The following TRIM56 variants were observed in gnomAD, a reference collection of about 807,000 sequenced individuals.
The protein encoded by TRIM56 is tripartite motif containing 56, also known as E3 ubiquitin-protein ligase TRIM56.
TRIM56 carries 10 observed loss-of-function variants against 17.1 expected under a neutral mutation model. That is an observed-to-expected ratio of 0.58 (90% CI 0.36 to 0.99). TRIM56 has a LOEUF of 0.99. Ranked by LOEUF, TRIM56 falls within the 50% of genes least tolerant of loss-of-function variation. The pLI, the probability that TRIM56 is intolerant of heterozygous loss-of-function variation, is 0.01. For synonymous variants in TRIM56, 503 were observed against 473.5 expected (o/e 1.06, Z -0.81); for missense variants, 923 against 1,052.3 (o/e 0.88, Z 1.70).
intron 1 of TRIM56, 64 bp from the exon 2 acceptor site, chr7:101,086,942 C>T: frequency 4.4e-6 from 1 of 228,030 alleles, no homozygotes; most frequent in Non-Finnish European, 8.7e-6. Flanking sequence ...GCCACAAGGC[C>T]TGTGGACTGG....
chr7:101,091,846 T>C lies in TRIM56; in HGVS notation c.*2266T>C. Reference sequence around the variant, plus strand: ...TCTCCCTCTGATGCCGAGCCGAAGCTGGACTGTACTGCTGCCATCTCGGCT... The same window carrying C: ...TCTCCCTCTGATGCCGAGCCGAAGCCGGACTGTACTGCTGCCATCTCGGCT... On this transcript the variant is annotated 3_prime_UTR_variant, in exon 3 of 3. Transcript: ENST00000306085. The C allele has an allele frequency of 2.6e-6, 1 of 386,670 alleles. No homozygotes were observed. The highest frequency in any genetic ancestry group is 5.0e-6 in the Non-Finnish European group (1 of 199,288). 24.0% of individuals were successfully genotyped at this position (386,670 alleles called of 1,614,324 possible).
At position 101,092,097 on chromosome 7, in the gene TRIM56, T is replaced by G. The variant is rs901252350; in HGVS notation, c.*2517T>G. 2 of 289,930 alleles carry G rather than the reference T, an allele frequency of 6.9e-6. No individual in the cohort carries two copies. Among genetic ancestry groups the G allele is most frequent in the Non-Finnish European group, 1.3e-5 (2 of 150,782 alleles). The allele number at this position is 289,930 out of a possible 1,614,324, so 18.0% of individuals were successfully genotyped here. On this transcript the variant is annotated 3_prime_UTR_variant, in exon 3 of 3. Coordinates refer to ENST00000306085, the MANE Select transcript of TRIM56 (RefSeq NM_030961.3). ...AGTCTCGTTCACTCGGTGCTCAATG[T>G]TGCCCAGGCTGGAGTGCAGTGTCGT...
rs1795630775 is a variant in TRIM56 at position 101,094,673 on chromosome 7, G to A, written c.*5093G>A. 1 of 152,132 alleles carries A rather than the reference G, an allele frequency of 6.6e-6. No homozygotes were observed. The highest frequency in any genetic ancestry group is 1.5e-5 in the Non-Finnish European group (1 of 68,058). The allele number at this position is 152,132 out of a possible 1,614,324, so 9.4% of individuals were successfully genotyped here. A position where few individuals can be genotyped will look rare whatever the true frequency, so the allele number is the denominator to read the frequency against. On this transcript the variant is annotated 3_prime_UTR_variant, in exon 3 of 3. Coordinates refer to ENST00000306085, the MANE Select transcript of TRIM56 (RefSeq NM_030961.3). Reference sequence around the variant, plus strand: ...CGCTCTGGGAAGGTTTGCAAAGGTCGGGGTCCCCCCTGCCAGGTGATCGAA... The same window carrying A: ...CGCTCTGGGAAGGTTTGCAAAGGTCAGGGTCCCCCCTGCCAGGTGATCGAA...
rs1363956162 is a variant in TRIM56 at position 101,088,276 on chromosome 7, C to T, written c.964C>T (p.Leu322Phe). ...CAGCCTGGGGCGAGAGGCCGAGATC[C>T]TCTCCCTGGAAGGGGCGATCGCACA... ...VLSLGREAEI[L>F]SLEGAIAQRL... The change falls in exon 3 of 3, where the codon CTC (leucine) becomes TTC (phenylalanine). Residue 322 changes from leucine to phenylalanine, a missense_variant. Around this residue, in one of 3 missense-constraint regions of TRIM56, gnomAD observed 643 missense variants for 665.6 expected, o/e 0.97. Coordinates refer to ENST00000306085, the MANE Select transcript of TRIM56 (RefSeq NM_030961.3). 7 of 1,515,844 alleles carry T rather than the reference C, an allele frequency of 4.6e-6. No homozygotes were observed. Among genetic ancestry groups the T allele is most frequent in the Non-Finnish European group, 6.2e-6 (7 of 1,137,840 alleles). 93.9% of individuals were successfully genotyped at this position (1,515,844 alleles called of 1,614,324 possible). A position where few individuals can be genotyped will look rare whatever the true frequency, so the allele number is the denominator to read the frequency against.
In TRIM56 at chr7:101,087,354, G is replaced by C. The variant is rs1231574280; in HGVS notation, c.42G>C (p.Leu14=). 1.2e-6 allele frequency: 2 copies of C among 1,612,880 alleles called. No homozygotes were observed. Among genetic ancestry groups the C allele is most frequent in the Non-Finnish European group, 1.7e-6 (2 of 1,180,006 alleles). ...HGSSPSLLEA[L]SSDFLACKIC... ...CCTCGCCCTCCCTCCTGGAGGCCCTGAGCAGCGACTTCCTGGCCTGTAAAA... is the reference window on the plus strand; with the variant it reads ...CCTCGCCCTCCCTCCTGGAGGCCCTCAGCAGCGACTTCCTGGCCTGTAAAA... The change falls in exon 3 of 3, where the codon CTG becomes CTC. Residue 14 remains leucine (L), a synonymous_variant. Transcript: ENST00000306085.
At position 101,097,755 on chromosome 7, in the gene TRIM56, G is replaced by C. The variant is rs1402684298; in HGVS notation, c.*8175G>C. On this transcript the variant is annotated 3_prime_UTR_variant, in exon 3 of 3. Coordinates refer to ENST00000306085, the MANE Select transcript of TRIM56 (RefSeq NM_030961.3). ...TCAAAGACGAGGAATCAGGACGTCGGTGCCTAGTGACTGAGCGCCAGCCCA... is the reference window on the plus strand; with the variant it reads ...TCAAAGACGAGGAATCAGGACGTCGCTGCCTAGTGACTGAGCGCCAGCCCA... The C allele has an allele frequency of 6.6e-6, 1 of 152,222 alleles. No homozygotes were observed. The highest frequency in any genetic ancestry group is 1.9e-4 in the East Asian group (1 of 5,192). 9.4% of individuals were successfully genotyped at this position (152,222 alleles called of 1,614,324 possible).
intron 1 of TRIM56, among the ~76,000 whole-genome samples, chr7:101,086,534 C>T (rs1015560865): frequency 7.5e-6 from 1 of 133,582 alleles, no homozygotes; most frequent in Admixed American, 8.3e-5. Context: ...GCACTCCAGC[C>T]TGGGCAACAG....
Position 101,087,956 on chromosome 7 carries a change from G to A in TRIM56, c.644G>A (p.Gly215Asp), listed in dbSNP as rs749417844. The change falls in exon 3 of 3, where the codon GGC becomes GAC. Residue 215 changes from glycine (G) to aspartate (D), a missense_variant. Coordinates refer to ENST00000306085, the MANE Select transcript of TRIM56 (RefSeq NM_030961.3). The stretch of plus-strand genomic sequence containing the variant: ...GAAGCTGTGCGTGCCCGGAGGCCGG[G>A]CCTGGAGGGACTGCTGGCCGGTGTG... ...LAEAVRARRPGLEGLLAGVDN... is the reference protein window; with the variant it reads ...LAEAVRARRPDLEGLLAGVDN... The A allele has an allele frequency of 1.9e-6, 3 of 1,597,956 alleles. No individual in the cohort carries two copies. The highest frequency in any genetic ancestry group is 4.5e-5 in the East Asian group (2 of 44,690).
Position 101,087,953 on chromosome 7 carries a change from C to T in TRIM56, c.641C>T (p.Pro214Leu), listed in dbSNP as rs756632878. 12 of 1,597,808 alleles carry T rather than the reference C, an allele frequency of 7.5e-6. 1 individual carries two copies. The highest frequency in any genetic ancestry group is 4.4e-5 in the South Asian group (4 of 89,940). Residue 214 changes from proline to leucine, a missense_variant, in exon 3 of 3, where the codon CCG becomes CTG. Pro to Leu is a moderately conservative substitution (Grantham distance 98, BLOSUM62 -3). Transcript: ENST00000306085. ...PLAEAVRARR[P>L]GLEGLLAGVD... Reference sequence around the variant, plus strand: ...GCTGAAGCTGTGCGTGCCCGGAGGCCGGGCCTGGAGGGACTGCTGGCCGGT... The same window carrying T: ...GCTGAAGCTGTGCGTGCCCGGAGGCTGGGCCTGGAGGGACTGCTGGCCGGT...
intron 2 of TRIM56, 44 bp downstream of exon 2, chr7:101,087,212 G>T (rs905871370): frequency 3.1e-5 from 36 of 1,152,530 alleles, no homozygotes; most frequent in Non-Finnish European, 4.4e-5. Context: ...TCAGCCCCTA[G>T]CCCTGGGGAT....
rs921798420 is a variant in TRIM56 at position 101,092,204 on chromosome 7, C to G, written c.*2624C>G. The G allele has an allele frequency of 4.8e-6, 1 of 208,178 alleles. No homozygotes were observed. The highest frequency in any genetic ancestry group is 5.7e-5 in the Admixed American group (1 of 17,682). The allele number at this position is 208,178 out of a possible 1,614,324, so 12.9% of individuals were successfully genotyped here. On this transcript the variant is annotated 3_prime_UTR_variant, in exon 3 of 3. Coordinates refer to ENST00000306085, the MANE Select transcript of TRIM56 (RefSeq NM_030961.3). ...GCCGAGATTACAGCCTCTGCCCGGC[C>G]GCCACCCCCTCTGGGAAGTGCGGAG...
rs1795625999 is a variant in TRIM56 at position 101,094,392 on chromosome 7, G to A, written c.*4812G>A. On this transcript the variant is annotated 3_prime_UTR_variant, in exon 3 of 3. Coordinates refer to ENST00000306085, the MANE Select transcript of TRIM56 (RefSeq NM_030961.3). ...TTTTTTGTTTGTTTTTCATTATTTT[G>A]TGCTATTATTCATACGTGTACATTT... 6.6e-6 allele frequency: 1 copy of A among 152,038 alleles called. No individual in the cohort carries two copies. Among genetic ancestry groups the A allele is most frequent in the African/African-American group, 2.4e-5 (1 of 41,380 alleles). 9.4% of individuals were successfully genotyped at this position (152,038 alleles called of 1,614,324 possible).
chr7:101,089,018 G>A lies in TRIM56; in HGVS notation c.1706G>A (p.Arg569Gln), dbSNP rs772550515. Residue 569 changes from arginine (R) to glutamine (Q), a missense_variant, in exon 3 of 3, where the codon CGG becomes CAG. Transcript: ENST00000306085. ...QSAVAFSASARLYLINPNGEV... is the reference protein window; with the variant it reads ...QSAVAFSASAQLYLINPNGEV... ...GCGGTGGCCTTCTCCGCTAGCGCAC[G>A]GCTCTATCTCATCAACCCCAACGGC... is the stretch of plus-strand genomic sequence containing the variant. 17 of 1,605,690 alleles carry A rather than the reference G, an allele frequency of 1.1e-5. No individual in the cohort carries two copies. The highest frequency in any genetic ancestry group is 2.2e-5 in the East Asian group (1 of 44,880).
rs529726287 is a variant in TRIM56, at chr7:101,087,899, C to G, written c.587C>G (p.Pro196Arg). 17 of 1,604,124 alleles carry G rather than the reference C, an allele frequency of 1.1e-5. No individual in the cohort carries two copies. The African/African-American group carries it at 2.0e-4, about 19-fold the overall frequency. Residue 196 changes from proline (P) to arginine (R), a missense_variant, in exon 3 of 3, where the codon CCC (proline) becomes CGC (arginine). Coordinates refer to ENST00000306085, the MANE Select transcript of TRIM56 (RefSeq NM_030961.3). ...CTGTGCAGAGAGTGCCGCCTAGACC[C>G]CCACCTGGACCACCCCTGCCTGCCT... is the stretch of plus-strand genomic sequence containing the variant. ...QLLCRECRLD[P>R]HLDHPCLPLA... is the part of the protein sequence containing the mutation.
rs561856827 is a variant in TRIM56, at chr7:101,088,343, C to T, written c.1031C>T (p.Pro344Leu). 166 of 1,537,930 alleles carry T rather than the reference C, an allele frequency of 1.1e-4. No homozygotes were observed. Among genetic ancestry groups the T allele is most frequent in the Admixed American group, 2.5e-4 (12 of 48,548 alleles). Residue 344 changes from proline (P) to leucine (L), a missense_variant, in exon 3 of 3, where the codon CCG becomes CTG. Physicochemically the swap from Pro to Leu is moderately conservative, Grantham distance 98 (BLOSUM62 -3). Coordinates refer to ENST00000306085, the MANE Select transcript of TRIM56 (RefSeq NM_030961.3). ...CAGGGCTGCCCCTGGGCACCAGGCC[C>T]GGCCCCCTGCCTGCTCCCACAGCTG... ...QLQGCPWAPG[P>L]APCLLPQLEL...
rs1795532164 is a variant in TRIM56 at position 101,089,774 on chromosome 7, C to T, written c.*194C>T. On this transcript the variant is annotated 3_prime_UTR_variant, in exon 3 of 3. Coordinates refer to ENST00000306085, the MANE Select transcript of TRIM56 (RefSeq NM_030961.3). ...GACCAAGGTGGTGGCGTGACCTTAA[C>T]TCTCAGAAGCAGAGGAGGCAGGTGG... The T allele has an allele frequency of 1.8e-6, 1 of 547,070 alleles. No homozygotes were observed. The highest frequency in any genetic ancestry group is 3.3e-6 in the Non-Finnish European group (1 of 305,622). The allele number at this position is 547,070 out of a possible 1,614,324, so 33.9% of individuals were successfully genotyped here. A position where few individuals can be genotyped will look rare whatever the true frequency, so the allele number is the denominator to read the frequency against.
rs778760410 is a variant in TRIM56 at position 101,087,921 on chromosome 7, G to C, written c.609G>C (p.Leu203=). 7 of 1,601,662 alleles carry C rather than the reference G, an allele frequency of 4.4e-6. No homozygotes were observed. Among genetic ancestry groups the C allele is most frequent in the Non-Finnish European group, 5.9e-6 (7 of 1,177,556 alleles). Residue 203 remains leucine, a synonymous_variant, in exon 3 of 3, where the codon CTG becomes CTC. Transcript: ENST00000306085. ...ACCCCCACCTGGACCACCCCTGCCT[G>C]CCTCTGGCTGAAGCTGTGCGTGCCC... ...RLDPHLDHPC[L]PLAEAVRARR...
rs1795657460 is a variant in TRIM56, at chr7:101,096,645, G to A, written c.*7065G>A. 6.6e-6 allele frequency: 1 copy of A among 152,240 alleles called. No homozygotes were observed. Among genetic ancestry groups the A allele is most frequent in the South Asian group, 2.1e-4 (1 of 4,834 alleles). 9.4% of individuals were successfully genotyped at this position (152,240 alleles called of 1,614,324 possible). ...CCATAAAGCTCAAATACAAGGTGTT[G>A]GTTAGGAAAAGTTTCAACTGACTTG... On this transcript the variant is annotated 3_prime_UTR_variant, in exon 3 of 3. Transcript: ENST00000306085.
rs906177038 is a variant in TRIM56 at position 101,088,500 on chromosome 7, G to A, written c.1188G>A (p.Arg396=). 2 of 1,613,786 alleles carry A rather than the reference G, an allele frequency of 1.2e-6. No homozygotes were observed. Among genetic ancestry groups the A allele is most frequent in the African/African-American group, 1.3e-5 (1 of 74,904 alleles). Residue 396 remains arginine (R), a synonymous_variant, in exon 3 of 3, where the codon AGG becomes AGA. Transcript: ENST00000306085. ...GAGGTGAGGAGAGCCAGAGCCGGAG[G>A]GAGGATGAGCCGAAGACTGAGAGAC... ...TQGGEESQSR[R]EDEPKTERQG...
Sources: gnomAD v4.1 joint callset for allele counts (sites outside exome capture counted in the v4.1 genomes callset) on GRCh38, gnomAD v4.1.1 for gene constraint, gnomAD v4.1.1 regional missense constraint, MANE v1.5 for transcripts, NCBI Gene and HGNC (gene_info 2026-07-23, HGNC 2026-07-21) for gene names.